Variants in ANXA6 observed in about 807,000 individuals in gnomAD.
ANXA6 encodes the protein annexin A6.
Under a neutral mutation model 95.4 loss-of-function variants are expected in ANXA6, and 71 were observed. The observed-to-expected ratio is 0.74, with a 90% CI of 0.61 to 0.91. The LOEUF (loss-of-function observed/expected upper bound fraction) is 0.91, where lower values mean the gene tolerates loss of function less well. Ranked by LOEUF, ANXA6 falls within the 40% of genes least tolerant of loss-of-function variation. The probability of loss-of-function intolerance (pLI) is 0.00; values close to 1 mark genes in which losing one functional copy is unlikely to be tolerated. For missense variants in ANXA6, 830 were observed against 876.4 expected (o/e 0.95, Z 0.67); for synonymous variants, 289 against 315.9 (o/e 0.91, Z 0.90).
chr5:151,139,061 C>G, intron 4 of ANXA6: 1 of 592,178 alleles, frequency 1.7e-6, no homozygotes, highest in Non-Finnish European at 3.0e-6. Flanking sequence ...TCTGTTTCCT[C>G]GTTTACTGTG....
chr5:151,143,267 CA>C (rs1561584455), intron 2 of ANXA6, among the ~76,000 whole-genome samples: 1 of 152,146 alleles, frequency 6.6e-6, no homozygotes, highest in East Asian at 1.9e-4. Context: ...TAAGAAGGGA[CA>C]ACCACCACAT....
chr5:151,132,707 G>A (rs1299293312), intron 9 of ANXA6, 136 bp from the exon 10 acceptor site: 2 of 699,090 alleles, frequency 2.9e-6, no homozygotes, highest in East Asian at 2.7e-5. Context: ...CTATGATGGA[G>A]GCGACTGGGA....
intron 9 of ANXA6, 52 bp downstream of exon 9, chr5:151,133,042 C>T (rs1765561886): frequency 1.5e-5 from 19 of 1,266,006 alleles, no homozygotes; most frequent in Non-Finnish European, 2.1e-5. Flanking sequence ...TAAAGAAAGG[C>T]ATTATTGGCA....
intron 6 of ANXA6, 61 bp from the exon 7 acceptor site, chr5:151,136,396 G>A (rs1765664109): frequency 6.7e-7 from 1 of 1,493,560 alleles, no homozygotes; most frequent in Non-Finnish European, 9.3e-7. Flanking sequence ...CTAGGATAAA[G>A]GGCCCTGCTG....
chr5:151,153,955 G>C (rs1306200548), intron 1 of ANXA6, among the ~76,000 whole-genome samples: 1 of 151,958 alleles, frequency 6.6e-6, no homozygotes, highest in East Asian at 1.9e-4. Flanking sequence ...CCTCCCATAG[G>C]GCGTGGCTCC....
At chr5:151,146,879 T>C (rs1162721829) in intron 2 of ANXA6, among the ~76,000 whole-genome samples, 1 of 152,280 alleles carries the variant, frequency 6.6e-6, no homozygotes, top group Admixed American at 6.5e-5. Flanking sequence ...CTCAATCTCC[T>C]GGGATCAGGT....
intron 25 of ANXA6, 135 bp from the exon 26 acceptor site, chr5:151,101,642 A>T: frequency 1.3e-6 from 1 of 766,368 alleles, no homozygotes; most frequent in East Asian, 2.7e-5. Context: ...TGCCACATGT[A>T]GGCTACTGGG....
At chr5:151,108,102 ATGTG>A (rs1421104600) in intron 23 of ANXA6, among the ~76,000 whole-genome samples, 1 of 151,084 alleles carries the variant, frequency 6.6e-6, no homozygotes, top group Non-Finnish European at 1.5e-5. Flanking sequence ...ACATGTGAGA[ATGTG>A]TGTGTGTATA....
chr5:151,147,736 G>T lies in ANXA6; in HGVS notation c.18+148C>A. On this transcript the variant is annotated intron_variant, in intron 2 of 25. Coordinates refer to ENST00000354546, the MANE Select transcript of ANXA6 (RefSeq NM_001155.5). ...ACCTGCATCTGAAGAGCCATGACTT[G>T]TAACAGGAGCAAGCAAAGCCTAAGA... The T allele has an allele frequency of 8.6e-6, 7 of 811,982 alleles. No homozygotes were observed. The East Asian group carries it at 1.4e-4, about 16-fold the overall frequency. 50.3% of individuals were successfully genotyped at this position (811,982 alleles called of 1,614,324 possible).
intron 1 of ANXA6, among the ~76,000 whole-genome samples, chr5:151,149,332 AG>A (rs1339134487): frequency 1.3e-5 from 2 of 152,180 alleles, no homozygotes; most frequent in Non-Finnish European, 2.9e-5. Context: ...AAATGCAAAA[AG>A]AGATGTAACT....
intron 1 of ANXA6, among the ~76,000 whole-genome samples, chr5:151,150,207 G>A (rs1381278434): frequency 6.6e-6 from 1 of 152,018 alleles, no homozygotes; most frequent in Non-Finnish European, 1.5e-5. Context: ...TAGAAATCAT[G>A]GAGACATTTC....
At chr5:151,152,422 T>A (rs890808321) in intron 1 of ANXA6, among the ~76,000 whole-genome samples, 1 of 152,194 alleles carries the variant, frequency 6.6e-6, no homozygotes, top group African/African-American at 2.4e-5. Context: ...AATTCCGAGC[T>A]CAGTAACTTG....
intron 16 of ANXA6, 49 bp from the exon 17 acceptor site, chr5:151,122,309 C>T (rs1477279677): frequency 8.9e-7 from 1 of 1,118,228 alleles, no homozygotes; most frequent in Admixed American, 2.2e-5. Flanking sequence ...CTTGCCCACA[C>T]ATGACTCAGG....
chr5:151,128,060 C>A, intron 13 of ANXA6, 121 bp downstream of exon 13: 1 of 854,244 alleles, frequency 1.2e-6, no homozygotes, highest in Non-Finnish European at 1.9e-6. Context: ...ACTTGTGCGA[C>A]GCTCCTGGCT....
chr5:151,129,659 C>T, intron 11 of ANXA6, 130 bp from the exon 12 acceptor site: 3 of 1,043,198 alleles, frequency 2.9e-6, no homozygotes, highest in Non-Finnish European at 4.1e-6. Context: ...GCAGACATTG[C>T]CATTCCCATT....
rs565185923 is a variant in ANXA6, at chr5:151,126,451, G to C, written c.1007C>G (p.Ala336Gly). 1 of 1,610,508 alleles carries C rather than the reference G, an allele frequency of 6.2e-7. No individual in the cohort carries two copies. Among genetic ancestry groups the C allele is most frequent in the Admixed American group, 1.7e-5 (1 of 59,550 alleles). ...DAAGQFFPEA[A>G]QVAYQMWELS... is the part of the protein sequence containing the mutation. ...TTCCCACATCTGATAGGCCACCTGC[G>C]CTGCCTCCGGGAAGAACTGGCCAGC... Residue 336 changes from alanine to glycine, a missense_variant, in exon 14 of 26, where the codon GCG (alanine) becomes GGG (glycine). Physicochemically the swap from Ala to Gly is moderately conservative, Grantham distance 60 (BLOSUM62 0). Transcript: ENST00000354546.
Position 151,137,328 on chromosome 5 carries a change from G to A in ANXA6, c.319-7C>T. The stretch of plus-strand genomic sequence containing the variant: ...TCTCATCAGTGCCAATGCCCTGGGG[G>A]TAGAAAAAGAGCGCATGAATTAAGG... On this transcript the variant is annotated splice_region_variant and splice_polypyrimidine_tract_variant and intron_variant, in intron 5 of 25. Coordinates refer to ENST00000354546, the MANE Select transcript of ANXA6 (RefSeq NM_001155.5). 1.2e-6 allele frequency: 2 copies of A among 1,609,502 alleles called. No homozygotes were observed. Among genetic ancestry groups the A allele is most frequent in the Non-Finnish European group, 1.7e-6 (2 of 1,177,650 alleles).
At chr5:151,103,729 G>A (rs1259323984) in intron 24 of ANXA6, 37 bp from the exon 25 acceptor site, 1 of 1,589,278 alleles carries the variant, frequency 6.3e-7, no homozygotes, top group Non-Finnish European at 8.6e-7. Flanking sequence ...ACAGGCGGAA[G>A]GAGAGATAGA....
At chr5:151,124,117 CCCT>C (rs1240769439) in intron 15 of ANXA6, among the ~76,000 whole-genome samples, 166 bp downstream of exon 15, 4 of 152,278 alleles carry the variant, frequency 2.6e-5, no homozygotes, top group African/African-American at 7.2e-5. Context: ...CCTCTCCTGC[CCCT>C]CCTCTCTATA....
Sources: gnomAD v4.1 joint callset for allele counts (sites outside exome capture counted in the v4.1 genomes callset) on GRCh38, gnomAD v4.1.1 for gene constraint, MANE v1.5 for transcripts, NCBI Gene and HGNC (gene_info 2026-07-23, HGNC 2026-07-21) for gene names.